The following MEP1A variants were observed in gnomAD, a reference collection of about 807,000 sequenced individuals.
MEP1A encodes N-benzoyl-L-tyrosyl-P-amino-benzoic acid hydrolase subunit alpha.
Under a neutral mutation model 84.5 loss-of-function variants are expected in MEP1A, and 68 were observed. The ratio of observed to expected loss-of-function variants is 0.80; its 90% CI spans 0.66 to 0.98. The LOEUF is 0.98. Among genes scored for constraint, MEP1A ranks in the 50% least tolerant of loss-of-function variants. The pLI, the probability that MEP1A is intolerant of heterozygous loss-of-function variation, is 0.00. For synonymous variants in MEP1A, 337 were observed against 336.8 expected, an observed-to-expected ratio of 1.00 and a Z score of -0.01; for missense variants, 887 against 919.9, an observed-to-expected ratio of 0.96 and a Z score of 0.46.
rs1464576100 is a variant in MEP1A at position 46,830,573 on chromosome 6, T to C, written c.1144+1002T>C. On this transcript the variant is annotated intron_variant, in intron 10 of 13. Transcript: ENST00000230588. The stretch of plus-strand genomic sequence containing the variant: ...ATAACAAAAGAAAGCAAATACTTTG[T>C]TTATAACCCTGGATCTTGATTTATG... 2.0e-5 allele frequency among the ~76,000 whole-genome samples: 3 copies of C among 152,198 alleles called. No homozygotes were observed. In the East Asian group the frequency reaches 5.8e-4, roughly 29 times the overall value.
chr6:46,793,820 G>T, intron 3 of MEP1A, 104 bp downstream of exon 3: 1 of 809,630 alleles, frequency 1.2e-6, no homozygotes, highest in South Asian at 2.0e-5. Context: ...ATTCTCTGGG[G>T]GAGAAATATT....
At chr6:46,799,933 G>A (rs1454684402) in intron 5 of MEP1A, among the ~76,000 whole-genome samples, 4 of 152,114 alleles carry the variant, frequency 2.6e-5, no homozygotes, top group African/African-American at 9.7e-5. Flanking sequence ...CCAGGACAGG[G>A]TTGCTTAGTC....
intron 6 of MEP1A, among the ~76,000 whole-genome samples, chr6:46,810,278 T>A (rs978293891): frequency 1.3e-5 from 2 of 152,176 alleles, no homozygotes; most frequent in African/African-American, 4.8e-5. Context: ...TTGAGAATTG[T>A]CTATTCACAT....
At chr6:46,807,565 A>AAGG (rs1767365936) in intron 5 of MEP1A, among the ~76,000 whole-genome samples, 2 of 71,834 alleles carry the variant, frequency 2.8e-5, no homozygotes, top group East Asian at 3.5e-4. Flanking sequence ...AGAAAGAAAG[A>AAGG]AAGGAAGGAA....
downstream of MEP1A, among the ~76,000 whole-genome samples, chr6:46,843,969 A>C (rs1768375699): frequency 1.3e-5 from 2 of 152,198 alleles, no homozygotes; most frequent in Non-Finnish European, 2.9e-5. Context: ...AGGTGCTATA[A>C]AATGTAGGCT....
At chr6:46,797,834 C>CTTTCTTTCTTTCTTTCTTTCTTTCTT (rs1345531724) in intron 3 of MEP1A, among the ~76,000 whole-genome samples, 1 of 145,294 alleles carries the variant, frequency 6.9e-6, no homozygotes, top group African/African-American at 2.6e-5. Flanking sequence ...TTCTTTCTTT[C>CTTTCTTTCTTTCTTTCTTTCTTTCTT]TTTCTCTCTC....
At chr6:46,834,072 G>A (rs1202731955) in intron 11 of MEP1A, among the ~76,000 whole-genome samples, 1 of 151,598 alleles carries the variant, frequency 6.6e-6, no homozygotes, top group African/African-American at 2.4e-5. Context: ...CACCTCCCAG[G>A]TTCAAACAAT....
the MEP1A span, among the ~76,000 whole-genome samples, chr6:46,845,541 G>A: frequency 6.6e-6 from 1 of 152,290 alleles, no homozygotes; most frequent in African/African-American, 2.4e-5. Flanking sequence ...TTTCTACAGG[G>A]CCAGCATATG....
At chr6:46,817,796 G>T (rs1049088004) in intron 6 of MEP1A, among the ~76,000 whole-genome samples, 8 of 152,186 alleles carry the variant, frequency 5.3e-5, no homozygotes, top group African/African-American at 1.9e-4. Flanking sequence ...CTTTGTAAAA[G>T]CACTGAATCT....
chr6:46,829,106 G>A (rs1562115817), intron 9 of MEP1A, among the ~76,000 whole-genome samples: 1 of 152,200 alleles, frequency 6.6e-6, no homozygotes. Context: ...TAAGTCAAAG[G>A]TATATATTTC....
chr6:46,807,670 A>C (rs1314803627), intron 5 of MEP1A, among the ~76,000 whole-genome samples: 4 of 147,114 alleles, frequency 2.7e-5, no homozygotes, highest in African/African-American at 1.0e-4. Context: ...GAGAAGAAGG[A>C]GGAGGAGGAG....
intron 8 of MEP1A, 32 bp downstream of exon 8, chr6:46,825,525 A>C: frequency 4.8e-6 from 7 of 1,456,830 alleles, no homozygotes; most frequent in Non-Finnish European, 6.7e-6. Context: ...AACTTGGTAA[A>C]CTAGCCTCAG....
chr6:46,832,862 A>G (rs1298226160), intron 10 of MEP1A, among the ~76,000 whole-genome samples: 1 of 152,198 alleles, frequency 6.6e-6, no homozygotes, highest in Non-Finnish European at 1.5e-5. Flanking sequence ...TTTTAAAATA[A>G]ATCATAGTAT....
At position 46,809,495 on chromosome 6, in the gene MEP1A, A is replaced by G. The variant is rs774129862; in HGVS notation, c.338A>G (p.Tyr113Cys). The part of the protein sequence containing the change: ...RLKSCVDFKP[Y>C]EGESSYIIFQ... Reference sequence around the variant, plus strand: ...AAGTCCTGTGTGGATTTCAAGCCCTATGAAGGAGAGAGCTCATATATCATA... The same window carrying G: ...AAGTCCTGTGTGGATTTCAAGCCCTGTGAAGGAGAGAGCTCATATATCATA... Residue 113 changes from tyrosine (Y) to cysteine (C), a missense_variant, in exon 6 of 14, where the codon TAT becomes TGT. Coordinates refer to ENST00000230588, the MANE Select transcript of MEP1A (RefSeq NM_005588.3). 6 of 1,610,372 alleles carry G rather than the reference A, an allele frequency of 3.7e-6. No individual in the cohort carries two copies. The East Asian group carries it at 6.7e-5, about 18-fold the overall frequency.
At position 46,793,711 on chromosome 6, in the gene MEP1A, A is replaced by G. The variant is rs776791883; in HGVS notation, c.140A>G (p.Asn47Ser). ...GAACAGAAGGATATTTCAGAAATCA[A>G]TTTAGGTGAGTTCAATTTTTGTGTT... is the stretch of plus-strand genomic sequence containing the variant. ...FGEQKDISEI[N>S]LAAGLDLFQG... Residue 47 changes from asparagine to serine, a missense_variant, in exon 3 of 14, where the codon AAT becomes AGT. Coordinates refer to ENST00000230588, the MANE Select transcript of MEP1A (RefSeq NM_005588.3). 3 of 1,607,082 alleles carry G rather than the reference A, an allele frequency of 1.9e-6. No homozygotes were observed. The highest frequency in any genetic ancestry group is 2.6e-6 in the Non-Finnish European group (3 of 1,174,534).
intron 4 of MEP1A, 77 bp from the exon 5 acceptor site, chr6:46,799,029 G>T: frequency 1.1e-6 from 1 of 876,276 alleles, no homozygotes; most frequent in South Asian, 1.4e-5. Context: ...TTTGCTCTGT[G>T]AGAGTTTAGT....
intron 7 of MEP1A, among the ~76,000 whole-genome samples, chr6:46,820,339 G>A (rs904775955): frequency 6.6e-6 from 1 of 152,056 alleles, no homozygotes; most frequent in African/African-American, 2.4e-5. Flanking sequence ...CAACAGTTTT[G>A]TCTTACGTAT....
chr6:46,834,557 A>C (rs1299978219), intron 11 of MEP1A, 21 bp from the exon 12 acceptor site: 1 of 1,560,436 alleles, frequency 6.4e-7, no homozygotes, highest in African/African-American at 1.4e-5. Flanking sequence ...ATGTGATTTT[A>C]TGTTACCTAC....
intron 3 of MEP1A, among the ~76,000 whole-genome samples, chr6:46,796,629 G>A (rs557255544): frequency 1.3e-5 from 2 of 151,730 alleles, no homozygotes; most frequent in East Asian, 1.9e-4. Context: ...GACACATTAG[G>A]CATTTAATAA....
Sources: allele counts gnomAD v4.1 joint callset (sites outside exome capture counted in the v4.1 genomes callset), GRCh38; gene constraint gnomAD v4.1.1; transcripts MANE v1.5; gene names NCBI Gene and HGNC (gene_info 2026-07-23, HGNC 2026-07-21).